Variants in ELOVL5 observed in about 807,000 individuals in gnomAD.
ELOVL5 encodes the protein very long chain fatty acid elongase 5.
A neutral mutation model predicts 38.6 loss-of-function variants in ELOVL5; 8 were observed. The observed-to-expected ratio is 0.21, with a 90% CI of 0.12 to 0.37. ELOVL5 has a LOEUF of 0.37. Ranked by LOEUF, ELOVL5 falls within the 10% of genes least tolerant of loss-of-function variation. The pLI, the probability that ELOVL5 is intolerant of heterozygous loss-of-function variation, is 1.00. For synonymous variants in ELOVL5, 127 were observed against 133.7 expected, an observed-to-expected ratio of 0.95 and a Z score of 0.34; for missense variants, 280 against 367.8, an observed-to-expected ratio of 0.76 and a Z score of 1.95.
At chr6:53,338,350 G>A (rs185746901) in intron 1 of ELOVL5, among the ~76,000 whole-genome samples, 5 of 152,240 alleles carry the variant, frequency 3.3e-5, no homozygotes, top group Admixed American at 2.6e-4. Context: ...CCCTTGCAAA[G>A]GAAACAAAAA....
rs1464413023 is a variant in ELOVL5 at position 53,267,856 on chromosome 6, C to A, written c.*1271G>T. ...TCCGACACTTTAAAATGACACACATCATAGGCTTTACCTGTTTGACCACTG... is the reference window on the plus strand; with the variant it reads ...TCCGACACTTTAAAATGACACACATAATAGGCTTTACCTGTTTGACCACTG... On this transcript the variant is annotated 3_prime_UTR_variant, in exon 8 of 8. Coordinates refer to ENST00000304434, the MANE Select transcript of ELOVL5 (RefSeq NM_021814.5). 1 of 152,324 alleles carries A rather than the reference C, an allele frequency of 6.6e-6. No individual in the cohort carries two copies. The highest frequency in any genetic ancestry group is 1.5e-5 in the Non-Finnish European group (1 of 68,034). The allele number at this position is 152,324 out of a possible 1,614,324, so 9.4% of individuals were successfully genotyped here.
At position 53,348,028 on chromosome 6, in the gene ELOVL5, C is replaced by CA. The variant is rs1300073960; in HGVS notation, c.-9+788_-9+789insT. The stretch of plus-strand genomic sequence containing the variant: ...CCCGGCGCAGAGCACAACCGCCCCC[C>CA]CGCCGCGCGCCTCCCTCGCAGCCAA... On this transcript the variant is annotated intron_variant, in intron 1 of 7. Transcript: ENST00000304434. 2.0e-5 allele frequency among the ~76,000 whole-genome samples: 3 copies of CA among 151,442 alleles called. No homozygotes were observed. The South Asian group carries it at 6.3e-4, about 32-fold the overall frequency.
intron 1 of ELOVL5, among the ~76,000 whole-genome samples, chr6:53,331,839 T>C (rs565255662): frequency 6.6e-6 from 1 of 152,314 alleles, no homozygotes; most frequent in South Asian, 2.1e-4. Context: ...GACAGGGTAA[T>C]TTATAAAGAG....
Position 53,276,163 on chromosome 6 carries a change from G to C in ELOVL5, c.324+16C>G. 1.9e-6 allele frequency: 3 copies of C among 1,577,750 alleles called. No individual in the cohort carries two copies. Among genetic ancestry groups the C allele is most frequent in the Non-Finnish European group, 2.6e-6 (3 of 1,152,738 alleles). On this transcript the variant is annotated intron_variant, in intron 4 of 7. Transcript: ENST00000304434. ...CAACACTTATAATAATAAAGTTTCT[G>C]AAAAAGAGACAGTACCTTCATATCT... is the stretch of plus-strand genomic sequence containing the variant.
intron 3 of ELOVL5, among the ~76,000 whole-genome samples, chr6:53,291,071 C>G (rs1034987211): frequency 9.2e-5 from 14 of 152,124 alleles, no homozygotes; most frequent in African/African-American, 3.1e-4. Context: ...CTTTCCTCCC[C>G]CTTTTAGCTT....
intron 1 of ELOVL5, among the ~76,000 whole-genome samples, chr6:53,323,387 A>G (rs1191982594): frequency 1.3e-5 from 2 of 152,180 alleles, no homozygotes; most frequent in Non-Finnish European, 2.9e-5. Flanking sequence ...CAAATGAATC[A>G]TCAGATTTTG....
intron 1 of ELOVL5, among the ~76,000 whole-genome samples, chr6:53,338,128 A>G (rs193245123): frequency 6.6e-6 from 1 of 152,322 alleles, no homozygotes; most frequent in East Asian, 1.9e-4. Context: ...ATTTGAATCC[A>G]TGGGGCAAGT....
chr6:53,316,492 G>GT (rs1768049272), intron 1 of ELOVL5, among the ~76,000 whole-genome samples: 1 of 151,764 alleles, frequency 6.6e-6, no homozygotes, highest in Non-Finnish European at 1.5e-5. Flanking sequence ...GGAGAAGGAG[G>GT]TAAGAGCTCC....
intron 7 of ELOVL5, 37 bp downstream of exon 7, chr6:53,270,556 C>A: frequency 6.2e-7 from 1 of 1,609,886 alleles, no homozygotes; most frequent in Non-Finnish European, 8.5e-7. Flanking sequence ...TTGGTAAAGG[C>A]CCCAGATTCC....
At chr6:53,305,695 G>A (rs1385406359) in intron 1 of ELOVL5, among the ~76,000 whole-genome samples, 1 of 151,632 alleles carries the variant, frequency 6.6e-6, no homozygotes, top group African/African-American at 2.4e-5. Context: ...TGGCGGCCGG[G>A]CAGAGACGCT....
At chr6:53,283,997 T>C (rs1766465158) in intron 3 of ELOVL5, among the ~76,000 whole-genome samples, 1 of 151,464 alleles carries the variant, frequency 6.6e-6, no homozygotes, top group South Asian at 2.1e-4. Context: ...GGTGATTATT[T>C]AGGACCTTAA....
chr6:53,324,252 C>CAAAAAA (rs59453946), intron 1 of ELOVL5, among the ~76,000 whole-genome samples: 2 of 110,368 alleles, frequency 1.8e-5, no homozygotes, highest in Non-Finnish European at 3.7e-5. Context: ...GACTCTACCT[C>CAAAAAA]AAAAAAAAAA....
intron 1 of ELOVL5, among the ~76,000 whole-genome samples, chr6:53,313,079 A>G (rs1304248649): frequency 2.6e-5 from 4 of 152,354 alleles, no homozygotes; most frequent in Admixed American, 1.3e-4. Flanking sequence ...TACATCTCAC[A>G]AAGAGGCCCG....
intron 1 of ELOVL5, among the ~76,000 whole-genome samples, chr6:53,323,966 T>G (rs1768403616): frequency 6.6e-6 from 1 of 152,008 alleles, no homozygotes; most frequent in African/African-American, 2.4e-5. Flanking sequence ...GGAAATCAGT[T>G]ATGGGTCGGG....
intron 1 of ELOVL5, among the ~76,000 whole-genome samples, chr6:53,322,549 C>T (rs559247059): frequency 6.5e-4 from 99 of 152,278 alleles, no homozygotes; most frequent in African/African-American, 2.2e-3. Flanking sequence ...ATGAGAAACC[C>T]CAAAGACTCC....
chr6:53,321,172 G>A (rs1006472878), intron 1 of ELOVL5, among the ~76,000 whole-genome samples: 3 of 152,120 alleles, frequency 2.0e-5, no homozygotes, highest in African/African-American at 7.2e-5. Context: ...GGTCATACTC[G>A]CAATTGACAG....
chr6:53,305,204 T>C (rs1767449071), intron 1 of ELOVL5, among the ~76,000 whole-genome samples: 1 of 131,144 alleles, frequency 7.6e-6, no homozygotes, highest in Non-Finnish European at 1.6e-5. Context: ...GGCGCGGGGC[T>C]GACCCCCCAC....
At chr6:53,317,333 A>T (rs1462718133) in intron 1 of ELOVL5, among the ~76,000 whole-genome samples, 3 of 152,224 alleles carry the variant, frequency 2.0e-5, no homozygotes, top group Non-Finnish European at 4.4e-5. Context: ...TGCTGTAAAG[A>T]CACATGCACA....
At chr6:53,309,385 A>G (rs1767730925) in intron 1 of ELOVL5, among the ~76,000 whole-genome samples, 1 of 152,206 alleles carries the variant, frequency 6.6e-6, no homozygotes, top group Admixed American at 6.5e-5. Flanking sequence ...GGTGATAGGA[A>G]GAACCTGAAC....
Sources: allele counts gnomAD v4.1 joint callset (sites outside exome capture counted in the v4.1 genomes callset), GRCh38; gene constraint gnomAD v4.1.1; transcripts MANE v1.5; gene names NCBI Gene and HGNC (gene_info 2026-07-23, HGNC 2026-07-21).